Variants in VWC2L observed in about 807,000 individuals in gnomAD.
VWC2L encodes the protein von Willebrand factor C domain containing 2 like.
Under a neutral mutation model 21.6 loss-of-function variants are expected in VWC2L, and 10 were observed. That is an observed-to-expected ratio of 0.46 (90% CI 0.29 to 0.78). VWC2L has a LOEUF of 0.78. Among genes scored for constraint, VWC2L ranks in the 30% least tolerant of loss-of-function variants. The probability of loss-of-function intolerance (pLI) is 0.10; values close to 1 mark genes in which losing one functional copy is unlikely to be tolerated. For missense variants in VWC2L, 209 were observed against 277.1 expected, an observed-to-expected ratio of 0.75 and a Z score of 1.74; for synonymous variants, 96 against 94.3, an observed-to-expected ratio of 1.02 and a Z score of -0.10.
Position 214,487,638 on chromosome 2 carries a change from T to C in VWC2L, c.520+50880T>C, listed in dbSNP as rs183759885. On this transcript the variant is annotated intron_variant, in intron 3 of 3. Coordinates refer to ENST00000312504, the MANE Select transcript of VWC2L (RefSeq NM_001080500.4). ...ATGAATAGAAGTAAGCCAAAGACAA[T>C]GGGCCTTCCATGAAACTTTTGCCCT... Among the ~76,000 whole-genome samples, 24 of 152,202 alleles carry C rather than the reference T, an allele frequency of 1.6e-4. No individual in the cohort carries two copies. In the South Asian group the frequency reaches 2.9e-3, roughly 18 times the overall value.
At chr2:214,490,260 A>G (rs1023595483) in intron 3 of VWC2L, among the ~76,000 whole-genome samples, 1 of 152,098 alleles carries the variant, frequency 6.6e-6, no homozygotes, top group Non-Finnish European at 1.5e-5. Context: ...ATGGTAAAAC[A>G]TGACCTCTGA....
Position 214,577,860 on chromosome 2 carries a change from G to C in VWC2L, c.*2040G>C, listed in dbSNP as rs1690257672. On this transcript the variant is annotated 3_prime_UTR_variant, in exon 4 of 4. Transcript: ENST00000312504. Reference sequence around the variant, plus strand: ...CTGTGCTTGCGTTATGATACAAATAGCCATGCCGGCACCATCCCGAGGAAG... The same window carrying C: ...CTGTGCTTGCGTTATGATACAAATACCCATGCCGGCACCATCCCGAGGAAG... 1 of 152,140 alleles carries C rather than the reference G, an allele frequency of 6.6e-6. No individual in the cohort carries two copies. The highest frequency in any genetic ancestry group is 6.6e-5 in the Admixed American group (1 of 15,266). 9.4% of individuals were successfully genotyped at this position (152,140 alleles called of 1,614,324 possible). A position where few individuals can be genotyped will look rare whatever the true frequency, so the allele number is the denominator to read the frequency against.
chr2:214,548,195 G>C (rs530938918), intron 3 of VWC2L, among the ~76,000 whole-genome samples: 46 of 152,118 alleles, frequency 3.0e-4, no homozygotes, highest in Non-Finnish European at 5.6e-4. Flanking sequence ...AATTGCTAGT[G>C]TACTACTTGT....
chr2:214,561,784 T>TTATATATATATATA lies in VWC2L; in HGVS notation c.521-13875_521-13862dup, dbSNP rs67223012. Among the ~76,000 whole-genome samples the TTATATATATATATA allele has an allele frequency of 3.1e-3, 399 of 128,388 alleles. 3 individuals carry two copies. The highest frequency in any genetic ancestry group is 0.012 in the African/African-American group (350 of 29,408). 84.2% of individuals were successfully genotyped at this position (128,388 alleles called of 152,430 possible). On this transcript the variant is annotated intron_variant, in intron 3 of 3. Coordinates refer to ENST00000312504, the MANE Select transcript of VWC2L (RefSeq NM_001080500.4). The stretch of plus-strand genomic sequence containing the variant: ...GAGTAATACCTTATCTCAAAAAAAA[T>TTATATATATATATA]TATATATATATATATATATATATAT...
At chr2:214,462,443 G>A (rs1406491740) in intron 3 of VWC2L, among the ~76,000 whole-genome samples, 1 of 152,172 alleles carries the variant, frequency 6.6e-6, no homozygotes, top group African/African-American at 2.4e-5. Context: ...ATTACGGTGT[G>A]CTCTCTTAGA....
intron 3 of VWC2L, among the ~76,000 whole-genome samples, chr2:214,438,272 T>C (rs538151119): frequency 2.4e-4 from 36 of 151,892 alleles, no homozygotes; most frequent in Non-Finnish European, 3.1e-4. Flanking sequence ...GAATGGTGAG[T>C]CTAAAGTAGA....
At chr2:214,533,865 A>T (rs1239182760) in intron 3 of VWC2L, 1 of 152,172 alleles carries the variant, frequency 6.6e-6, no homozygotes, top group Admixed American at 6.6e-5. Flanking sequence ...GTTTAGCCAT[A>T]AACCTTCCAA....
intron 3 of VWC2L, among the ~76,000 whole-genome samples, chr2:214,544,326 C>G (rs993349337): frequency 2.0e-5 from 3 of 152,112 alleles, no homozygotes; most frequent in Non-Finnish European, 4.4e-5. Context: ...TAGCTAGAAC[C>G]AAGTACTGTG....
At position 214,497,117 on chromosome 2, in the gene VWC2L, A is replaced by C. The variant is rs1688823575; in HGVS notation, c.520+60359A>C. Among the ~76,000 whole-genome samples, 2 of 152,250 alleles carry C rather than the reference A, an allele frequency of 1.3e-5. 1 individual carries two copies. The highest frequency in any genetic ancestry group is 4.1e-4 in the South Asian group (2 of 4,836). The stretch of plus-strand genomic sequence containing the variant: ...AATAAGCTGGTACTTACAGAAGTTC[A>C]GCTGGCTAAATTTAGAGCATTGAAA... On this transcript the variant is annotated intron_variant, in intron 3 of 3. Transcript: ENST00000312504.
chr2:214,473,779 A>G (rs1272727315), intron 3 of VWC2L: 1 of 147,450 alleles, frequency 6.8e-6, no homozygotes, highest in East Asian at 2.0e-4. Context: ...CCTGATTTAA[A>G]AAAAAAAAAA....
intron 3 of VWC2L, among the ~76,000 whole-genome samples, chr2:214,517,640 G>A (rs1574610964): frequency 6.6e-6 from 1 of 152,242 alleles, no homozygotes; most frequent in African/African-American, 2.4e-5. Flanking sequence ...AGATTCCATG[G>A]GGTAAAAACT....
At chr2:214,550,796 T>A (rs188160583) in intron 3 of VWC2L, among the ~76,000 whole-genome samples, 1 of 152,344 alleles carries the variant, frequency 6.6e-6, no homozygotes, top group East Asian at 1.9e-4. Flanking sequence ...GTCCTTTACA[T>A]TCTGAACAGA....
intron 3 of VWC2L, among the ~76,000 whole-genome samples, chr2:214,456,694 T>C (rs115720598): frequency 1.6e-3 from 246 of 152,242 alleles, no homozygotes; most frequent in African/African-American, 5.8e-3. Context: ...TTTCTTCTAC[T>C]AGTTTTATAG....
At chr2:214,459,060 A>G (rs1416852579) in intron 3 of VWC2L, among the ~76,000 whole-genome samples, 1 of 152,070 alleles carries the variant, frequency 6.6e-6, no homozygotes, top group Non-Finnish European at 1.5e-5. Flanking sequence ...CTCCTTTTAG[A>G]TCTAGTAATA....
At chr2:214,501,582 C>T (rs1031632600) in intron 3 of VWC2L, among the ~76,000 whole-genome samples, 3 of 151,982 alleles carry the variant, frequency 2.0e-5, no homozygotes, top group Non-Finnish European at 4.4e-5. Flanking sequence ...ATTAGCAGGG[C>T]ATGGTGGTGG....
chr2:214,547,473 C>T (rs1047960386), intron 3 of VWC2L, among the ~76,000 whole-genome samples: 1 of 152,182 alleles, frequency 6.6e-6, no homozygotes, highest in African/African-American at 2.4e-5. Flanking sequence ...ACACTTTCTA[C>T]CATGTGGTCT....
At chr2:214,532,842 A>T (rs1391391546) in intron 3 of VWC2L, among the ~76,000 whole-genome samples, 1 of 152,120 alleles carries the variant, frequency 6.6e-6, no homozygotes, top group African/African-American at 2.4e-5. Flanking sequence ...TTGCTGCCTG[A>T]GACCGGATAG....
intron 2 of VWC2L, among the ~76,000 whole-genome samples, chr2:214,432,364 T>A (rs1341242553): frequency 4.6e-5 from 7 of 152,128 alleles, no homozygotes. Context: ...CACAGACTGA[T>A]GAGAGCTCTG....
At chr2:214,565,069 T>A (rs1378082784) in intron 3 of VWC2L, among the ~76,000 whole-genome samples, 1 of 152,184 alleles carries the variant, frequency 6.6e-6, no homozygotes, top group Non-Finnish European at 1.5e-5. Context: ...TATTCAACAA[T>A]AACTCATGGA....
Sources: gnomAD v4.1 joint callset for allele counts (sites outside exome capture counted in the v4.1 genomes callset) on GRCh38, gnomAD v4.1.1 for gene constraint, MANE v1.5 for transcripts, NCBI Gene and HGNC (gene_info 2026-07-23, HGNC 2026-07-21) for gene names.